The following TMEM178B variants were observed in gnomAD, a reference collection of about 807,000 sequenced individuals.
TMEM178B encodes the protein transmembrane protein 178B.
In TMEM178B, 5 loss-of-function variants were observed where a neutral mutation model predicts 31.0. That is an observed-to-expected ratio of 0.16 (90% confidence interval 0.08 to 0.34). TMEM178B has a LOEUF of 0.34. Ranked by LOEUF, TMEM178B falls within the 10% of genes least tolerant of loss-of-function variation. The pLI is 1.00. For missense variants in TMEM178B, 275 were observed against 400.3 expected, an observed-to-expected ratio of 0.69 and a Z score of 2.67; for synonymous variants, 164 against 164.0, an observed-to-expected ratio of 1.00 and a Z score of 0.00.
chr7:141,311,664 T>TA (rs1039127665), intron 2 of TMEM178B, among the ~76,000 whole-genome samples: 2 of 152,250 alleles, frequency 1.3e-5, no homozygotes, highest in African/African-American at 4.8e-5. Flanking sequence ...GACATTTCTT[T>TA]AAAAAACTAT....
chr7:141,488,587 A>C, the TMEM178B span, among the ~76,000 whole-genome samples: 5 of 152,010 alleles, frequency 3.3e-5, no homozygotes, highest in African/African-American at 1.2e-4. Flanking sequence ...CTACAGGTGC[A>C]TGCCACCATG....
chr7:141,393,621 CAAAGAG>C (rs1026960670), intron 2 of TMEM178B, among the ~76,000 whole-genome samples: 13 of 152,130 alleles, frequency 8.5e-5, no homozygotes, highest in South Asian at 2.1e-4. Context: ...GCAGCTGCTC[CAAAGAG>C]AAAGAGAAAG....
chr7:141,503,814 G>T, the TMEM178B span, among the ~76,000 whole-genome samples: 1 of 152,168 alleles, frequency 6.6e-6, no homozygotes, highest in Non-Finnish European at 1.5e-5. Flanking sequence ...TGTAGAACAG[G>T]TCTATTTGCA....
intron 2 of TMEM178B, among the ~76,000 whole-genome samples, chr7:141,374,587 C>T (rs140012557): frequency 7.2e-5 from 11 of 152,282 alleles, no homozygotes; most frequent in Non-Finnish European, 1.5e-4. Flanking sequence ...AAACCCCACG[C>T]GCATACAGCG....
downstream of TMEM178B, among the ~76,000 whole-genome samples, chr7:141,482,573 A>G (rs1415103046): frequency 6.6e-6 from 1 of 152,186 alleles, no homozygotes; most frequent in East Asian, 1.9e-4. Context: ...CCACAAGTGG[A>G]TTCTTGGTGG....
At chr7:141,312,383 G>T (rs1265025052) in intron 2 of TMEM178B, among the ~76,000 whole-genome samples, 2 of 152,224 alleles carry the variant, frequency 1.3e-5, no homozygotes, top group Admixed American at 1.3e-4. Context: ...AAGAGAAAGG[G>T]ATTCACATCT....
chr7:141,244,725 T>C (rs547622764), intron 2 of TMEM178B, among the ~76,000 whole-genome samples: 1 of 151,996 alleles, frequency 6.6e-6, no homozygotes. Context: ...TCGAGAGTCA[T>C]GGAATAGAGG....
At chr7:141,182,109 C>A (rs1283519700) in intron 1 of TMEM178B, among the ~76,000 whole-genome samples, 1 of 151,846 alleles carries the variant, frequency 6.6e-6, no homozygotes, top group African/African-American at 2.4e-5. Flanking sequence ...TGAAACTAGA[C>A]CTATGAGAAT....
chr7:141,140,535 T>C (rs778084543), intron 1 of TMEM178B, among the ~76,000 whole-genome samples: 1 of 152,236 alleles, frequency 6.6e-6, no homozygotes, highest in Non-Finnish European at 1.5e-5. Flanking sequence ...AATGAGCCAA[T>C]GTTATATCAG....
chr7:141,209,399 C>T lies in TMEM178B; in HGVS notation c.383-3192C>T, dbSNP rs191541225. On this transcript the variant is annotated intron_variant, in intron 1 of 3. Coordinates refer to ENST00000565468, the MANE Select transcript of TMEM178B (RefSeq NM_001195278.2). ...ACTCACAGAGTTCTGCAACAATCGC[C>T]TCCTTTAATTCATTAGATTCTAATT... is the stretch of plus-strand genomic sequence containing the variant. Among the ~76,000 whole-genome samples, 152 of 152,364 alleles carry T rather than the reference C, an allele frequency of 1.0e-3. 1 individual carries two copies. Among genetic ancestry groups the T allele is most frequent in the African/African-American group, 3.6e-3 (149 of 41,582 alleles).
intron 2 of TMEM178B, among the ~76,000 whole-genome samples, chr7:141,257,290 A>G (rs532137099): frequency 2.6e-5 from 4 of 152,350 alleles, no homozygotes; most frequent in South Asian, 4.1e-4. Flanking sequence ...TAATAATGGA[A>G]GAAGTAAGTC....
chr7:141,106,955 G>A (rs1040666369), intron 1 of TMEM178B, among the ~76,000 whole-genome samples: 1 of 152,226 alleles, frequency 6.6e-6, no homozygotes, highest in African/African-American at 2.4e-5. Context: ...AATGTTTTGG[G>A]AAAAGATGGA....
intron 1 of TMEM178B, among the ~76,000 whole-genome samples, chr7:141,089,859 G>T (rs1479133200): frequency 2.0e-5 from 3 of 151,994 alleles, no homozygotes; most frequent in African/African-American, 7.3e-5. Context: ...AGGGCCTGTT[G>T]TGGGGTTGGG....
chr7:141,245,561 T>C (rs1046528171), intron 2 of TMEM178B, among the ~76,000 whole-genome samples: 1 of 152,080 alleles, frequency 6.6e-6, no homozygotes, highest in Non-Finnish European at 1.5e-5. Context: ...ATCACCGAGG[T>C]CTTAGAACTG....
intron 2 of TMEM178B, among the ~76,000 whole-genome samples, chr7:141,301,522 T>C (rs1440100158): frequency 1.3e-5 from 2 of 152,234 alleles, no homozygotes; most frequent in Non-Finnish European, 2.9e-5. Context: ...GTTCTCTTTT[T>C]GTTCAGGTGC....
chr7:141,088,557 A>C (rs905672423), intron 1 of TMEM178B, among the ~76,000 whole-genome samples: 3 of 152,146 alleles, frequency 2.0e-5, no homozygotes, highest in Non-Finnish European at 4.4e-5. Context: ...GACTAGTTGC[A>C]CTGGGAATCT....
intron 1 of TMEM178B, among the ~76,000 whole-genome samples, chr7:141,174,541 T>A (rs1796397511): frequency 6.6e-6 from 1 of 152,146 alleles, no homozygotes; most frequent in African/African-American, 2.4e-5. Flanking sequence ...CACCACACTG[T>A]TTTCCACAAT....
At chr7:141,376,333 G>A (rs184337448) in intron 2 of TMEM178B, among the ~76,000 whole-genome samples, 6 of 152,204 alleles carry the variant, frequency 3.9e-5, no homozygotes, top group African/African-American at 1.4e-4. Context: ...TACCTACTTG[G>A]GAAATAAACA....
At chr7:141,099,203 C>T (rs1795013234) in intron 1 of TMEM178B, among the ~76,000 whole-genome samples, 1 of 152,146 alleles carries the variant, frequency 6.6e-6, no homozygotes, top group African/African-American at 2.4e-5. Flanking sequence ...TACCTTCCTT[C>T]CTATTGGCAG....
Sources: allele counts gnomAD v4.1 joint callset (sites outside exome capture counted in the v4.1 genomes callset), GRCh38; gene constraint gnomAD v4.1.1; transcripts MANE v1.5; gene names NCBI Gene and HGNC (gene_info 2026-07-23, HGNC 2026-07-21).